GALNT16: variants seen among roughly 807,000 people sequenced by gnomAD.
The protein encoded by GALNT16 is polypeptide N-acetylgalactosaminyltransferase 16.
In GALNT16, 40 loss-of-function variants were observed where a neutral mutation model predicts 76.1. That is an observed-to-expected ratio of 0.53 (90% CI 0.41 to 0.68). The LOEUF (loss-of-function observed/expected upper bound fraction) is 0.68. Among genes scored for constraint, GALNT16 ranks in the 30% least tolerant of loss-of-function variants. The probability of loss-of-function intolerance (pLI) is 0.00; values close to 1 mark genes in which losing one functional copy is unlikely to be tolerated. For synonymous variants in GALNT16, 276 were observed against 285.2 expected (o/e 0.97, Z 0.32); for missense variants, 621 against 731.9 (o/e 0.85, Z 1.75).
intron 1 of GALNT16, among the ~76,000 whole-genome samples, chr14:69,305,130 GT>G (rs1400152334): frequency 6.6e-5 from 6 of 91,176 alleles, no homozygotes; most frequent in African/African-American, 2.2e-4. Flanking sequence ...ACCAACACTT[GT>G]CTTTTTTTTT....
intron 1 of GALNT16, among the ~76,000 whole-genome samples, chr14:69,300,155 T>C (rs908088767): frequency 7.2e-5 from 11 of 152,222 alleles, no homozygotes; most frequent in Non-Finnish European, 1.3e-4. Context: ...AGCGAATCTC[T>C]AACCACTGGG....
Position 69,322,923 on chromosome 14 carries a change from GGGGTGTGTGTGTGTGTGTGT to G in GALNT16, c.336-1767_336-1748del, listed in dbSNP as rs1459838676. On this transcript the variant is annotated intron_variant, in intron 2 of 14. Transcript: ENST00000448469. ...AAAAAAGAAAGCTGAGGTGGCTCAC[GGGGTGTGTGTGTGTGTGTGT>G]GTGTGTGTGTGTGTGTGTGTGTGTG... 5.3e-3 allele frequency among the ~76,000 whole-genome samples: 556 copies of G among 105,152 alleles called. 4 individuals carry two copies. Among genetic ancestry groups the G allele is most frequent in the East Asian group, 0.025 (70 of 2,810 alleles). 69.0% of individuals were successfully genotyped at this position (105,152 alleles called of 152,430 possible).
chr14:69,303,802 C>A (rs1276148563), intron 1 of GALNT16, among the ~76,000 whole-genome samples: 1 of 152,120 alleles, frequency 6.6e-6, no homozygotes, highest in African/African-American at 2.4e-5. Flanking sequence ...TGTACTGCTA[C>A]AGAGCTTTCA....
At chr14:69,325,833 A>G (rs1312955372) in intron 4 of GALNT16, 129 bp from the exon 5 acceptor site, 5 of 728,668 alleles carry the variant, frequency 6.9e-6, no homozygotes, top group Non-Finnish European at 1.2e-5. Context: ...AGTGATGACC[A>G]TACCTCTTCC....
At position 69,325,348 on chromosome 14, in the gene GALNT16, G is replaced by C; in HGVS notation, c.446G>C (p.Arg149Pro). 1.3e-6 allele frequency: 2 copies of C among 1,596,556 alleles called. No individual in the cohort carries two copies. Among genetic ancestry groups the C allele is most frequent in the Non-Finnish European group, 1.7e-6 (2 of 1,164,030 alleles). The part of the protein sequence containing the change: ...LLRTVKSVLN[R>P]TPANLIQEII... ...CACTGCTACTGTAGTGTCCTGAACC[G>C]AACTCCTGCCAACTTGATCCAGGAG... The change falls in exon 4 of 15, where the codon CGA becomes CCA. Residue 149 changes from arginine (R) to proline (P), a missense_variant. Arg to Pro is a moderately radical substitution (Grantham distance 103). Coordinates refer to ENST00000448469, the MANE Select transcript of GALNT16 (RefSeq NM_001168368.2).
At chr14:69,335,468 G>A (rs2045404020) in intron 9 of GALNT16, among the ~76,000 whole-genome samples, 1 of 152,202 alleles carries the variant, frequency 6.6e-6, no homozygotes, top group Non-Finnish European at 1.5e-5. Flanking sequence ...GTGAAGACTT[G>A]GAAAGCTGGG....
upstream of GALNT16, chr14:69,259,793 C>G (rs1179854179): frequency 6.4e-6 from 1 of 157,434 alleles, no homozygotes; most frequent in Admixed American, 6.5e-5. Context: ...CCGCTCGGTC[C>G]GGGGGTGGGT....
intron 12 of GALNT16, among the ~76,000 whole-genome samples, chr14:69,344,476 C>T (rs2045536216): frequency 2.0e-5 from 3 of 152,196 alleles, no homozygotes; most frequent in African/African-American, 7.2e-5. Context: ...AGAAGAGACC[C>T]ATAGAGAAGG....
At chr14:69,307,037 C>T (rs893470799) in intron 1 of GALNT16, among the ~76,000 whole-genome samples, 1 of 152,168 alleles carries the variant, frequency 6.6e-6, no homozygotes, top group African/African-American at 2.4e-5. Flanking sequence ...AGCTAGCATG[C>T]GCATCTGCCT....
chr14:69,290,256 G>A (rs961071035), intron 1 of GALNT16, among the ~76,000 whole-genome samples: 3 of 152,198 alleles, frequency 2.0e-5, no homozygotes, highest in African/African-American at 7.2e-5. Flanking sequence ...TCTTTGCAAG[G>A]TTCTTAGGAG....
At chr14:69,275,533 G>A (rs920138316) in intron 1 of GALNT16, among the ~76,000 whole-genome samples, 1 of 152,220 alleles carries the variant, frequency 6.6e-6, no homozygotes, top group African/African-American at 2.4e-5. Context: ...GTGTGTGTGT[G>A]CGCATGCGCA....
intron 12 of GALNT16, among the ~76,000 whole-genome samples, chr14:69,342,424 AGGT>A (rs2045500130): frequency 8.1e-6 from 1 of 124,012 alleles, no homozygotes; most frequent in Non-Finnish European, 1.7e-5. Flanking sequence ...GGAAGAGGGA[AGGT>A]GAGGGGAGGT....
At chr14:69,375,843 G>A in the GALNT16 span, among the ~76,000 whole-genome samples, 6 of 152,112 alleles carry the variant, frequency 3.9e-5, no homozygotes, top group African/African-American at 1.4e-4. Flanking sequence ...TTGCTATGTT[G>A]CTCAACTGCA....
chr14:69,338,611 G>A (rs1334570890), intron 9 of GALNT16, 40 bp from the exon 10 acceptor site: 2 of 1,601,048 alleles, frequency 1.2e-6, no homozygotes, highest in African/African-American at 2.7e-5. Context: ...CACTTGCCAA[G>A]GAACCCCTTC....
At chr14:69,287,024 T>C (rs2044622747) in intron 1 of GALNT16, among the ~76,000 whole-genome samples, 1 of 152,156 alleles carries the variant, frequency 6.6e-6, no homozygotes, top group Non-Finnish European at 1.5e-5. Flanking sequence ...TTGACCAGTG[T>C]AGCCCCCATC....
intron 1 of GALNT16, among the ~76,000 whole-genome samples, chr14:69,270,719 C>T (rs1402513333): frequency 6.6e-6 from 1 of 152,198 alleles, no homozygotes; most frequent in Non-Finnish European, 1.5e-5. Context: ...TGATTATTTC[C>T]TTGGAAGTCA....
intron 1 of GALNT16, among the ~76,000 whole-genome samples, chr14:69,266,252 C>T (rs1594807377): frequency 6.6e-6 from 1 of 152,164 alleles, no homozygotes; most frequent in African/African-American, 2.4e-5. Context: ...CGATACAGAA[C>T]AAAATGTTGG....
rs1424690816 is a variant in GALNT16, at chr14:69,339,402, T to C, written c.1095-125T>C. The C allele has an allele frequency of 6.9e-5, 50 of 719,668 alleles. No homozygotes were observed. The East Asian group carries it at 1.3e-3, about 18-fold the overall frequency. 44.6% of individuals were successfully genotyped at this position (719,668 alleles called of 1,614,324 possible). A position where few individuals can be genotyped will look rare whatever the true frequency, so the allele number is the denominator to read the frequency against. On this transcript the variant is annotated intron_variant, in intron 10 of 14. Transcript: ENST00000448469. ...AAAAGGACCGTGCTAATCTATACCATCCAAGTATCACCTTGCTCCTGAGAT... is the reference window on the plus strand; with the variant it reads ...AAAAGGACCGTGCTAATCTATACCACCCAAGTATCACCTTGCTCCTGAGAT...
chr14:69,344,686 C>G (rs146769043), intron 12 of GALNT16, among the ~76,000 whole-genome samples: 1 of 152,306 alleles, frequency 6.6e-6, no homozygotes, highest in Non-Finnish European at 1.5e-5. Flanking sequence ...TGGGCATTGC[C>G]ACTCTTGGTC....
Sources: gnomAD v4.1 joint callset for allele counts (sites outside exome capture counted in the v4.1 genomes callset) on GRCh38, gnomAD v4.1.1 for gene constraint, MANE v1.5 for transcripts, NCBI Gene and HGNC (gene_info 2026-07-23, HGNC 2026-07-21) for gene names.